The following MYH9 variants were observed in gnomAD, a reference collection of about 807,000 sequenced individuals.
MYH9 encodes the protein myosin-9.
Under a neutral mutation model 241.9 loss-of-function variants are expected in MYH9, and 29 were observed. The observed-to-expected ratio is 0.12, with a 90% CI of 0.09 to 0.16. The LOEUF (loss-of-function observed/expected upper bound fraction) is 0.16. Ranked by LOEUF, MYH9 falls within the 10% of genes least tolerant of loss-of-function variation. The probability of loss-of-function intolerance (pLI) is 1.00; values close to 1 mark genes in which losing one functional copy is unlikely to be tolerated. For missense variants in MYH9, 1,803 were observed against 2,595.5 expected, an observed-to-expected ratio of 0.69 and a Z score of 6.63; for synonymous variants, 1,047 against 1,062.6, an observed-to-expected ratio of 0.99 and a Z score of 0.29.
At chr22:36,380,499 G>T (rs1180206652) in intron 1 of MYH9, among the ~76,000 whole-genome samples, 1 of 152,198 alleles carries the variant, frequency 6.6e-6, no homozygotes, top group Non-Finnish European at 1.5e-5. Flanking sequence ...CCACCACTTC[G>T]GGAGGCCAAG....
chr22:36,301,173 T>G (rs2016871385), intron 21 of MYH9, 116 bp from the exon 22 acceptor site: 1 of 1,052,160 alleles, frequency 9.5e-7, no homozygotes, highest in African/African-American at 1.6e-5. Context: ...CAGACAAAAG[T>G]AGCTTTCATC....
At chr22:36,344,207 A>T (rs1360513860) in intron 2 of MYH9, among the ~76,000 whole-genome samples, 1 of 152,272 alleles carries the variant, frequency 6.6e-6, no homozygotes. Context: ...GACATCGAGC[A>T]AGCGGCTTCG....
intron 1 of MYH9, among the ~76,000 whole-genome samples, chr22:36,352,075 G>A (rs536545537): frequency 1.3e-5 from 2 of 152,314 alleles, no homozygotes; most frequent in Admixed American, 1.3e-4. Flanking sequence ...GGAGTGGGAC[G>A]CTAACCCAGG....
chr22:36,320,864 C>T lies in MYH9; in HGVS notation c.802G>A (p.Ala268Thr). 2 of 1,614,078 alleles carry T rather than the reference C, an allele frequency of 1.2e-6. No homozygotes were observed. Among genetic ancestry groups the T allele is most frequent in the African/African-American group, 2.7e-5 (2 of 75,046 alleles). The change falls in exon 8 of 41, where the codon GCC (alanine) becomes ACC (threonine). Residue 268 changes from alanine (A) to threonine (T), a missense_variant. Physicochemically the swap from Ala to Thr is moderately conservative, Grantham distance 58. Coordinates refer to ENST00000216181, the MANE Select transcript of MYH9 (RefSeq NM_002473.6). This position sits in a 1 kb window ranked among gnomAD's most constrained non-coding sequence, Gnocchi z 4.8. ...LLEKSRAIRQAKEERTFHIFY... is the reference protein window; with the variant it reads ...LLEKSRAIRQTKEERTFHIFY... ...ATGTGGAAGGTCCGTTCTTCCTTGGCTTGGCGGATAGCACGAGATTTCTCC... is the reference window on the plus strand; with the variant it reads ...ATGTGGAAGGTCCGTTCTTCCTTGGTTTGGCGGATAGCACGAGATTTCTCC...
At chr22:36,319,016 C>A (rs775460609) in intron 10 of MYH9, among the ~76,000 whole-genome samples, 2 of 152,156 alleles carry the variant, frequency 1.3e-5, no homozygotes, top group Non-Finnish European at 2.9e-5. Context: ...CCCGCCTCAG[C>A]CTCCCAAACT....
chr22:36,374,610 G>A lies in MYH9; in HGVS notation c.-20+13197C>T, dbSNP rs145904753. 3.3e-4 allele frequency among the ~76,000 whole-genome samples: 51 copies of A among 152,304 alleles called. No individual in the cohort carries two copies. In the East Asian group the frequency reaches 8.7e-3, roughly 26 times the overall value. ...TGAAAAATCTCATCCCAAGTCCTTT[G>A]GCTAGAAAAACATGCTGGCCACACA... On this transcript the variant is annotated intron_variant, in intron 1 of 40. Coordinates refer to ENST00000216181, the MANE Select transcript of MYH9 (RefSeq NM_002473.6).
At chr22:36,309,217 G>T in intron 15 of MYH9, 65 bp downstream of exon 15, 1 of 1,364,556 alleles carries the variant, frequency 7.3e-7, no homozygotes, top group Non-Finnish European at 1.0e-6. Context: ...TCGGCCCACT[G>T]TGGAGGTGGG....
In MYH9 at chr22:36,285,159, C is replaced by G. The variant is rs763821179; in HGVS notation, c.5445G>C (p.Lys1815Asn). 6.2e-7 allele frequency: 1 copy of G among 1,614,112 alleles called. No individual in the cohort carries two copies. Among genetic ancestry groups the G allele is most frequent in the Admixed American group, 1.7e-5 (1 of 60,020 alleles). Residue 1815 changes from lysine (K) to asparagine (N), a missense_variant, in exon 38 of 41, where the codon AAG becomes AAC. Coordinates refer to ENST00000216181, the MANE Select transcript of MYH9 (RefSeq NM_002473.6). The surrounding 1 kb of genome is among the most constrained non-coding windows in gnomAD (Gnocchi z 7.0). ...YKASITALEAKIAQLEEQLDN... is the reference protein window; with the variant it reads ...YKASITALEANIAQLEEQLDN... ...CCAGCTGCTCCTCCAGCTGTGCAAT[C>G]TTGGCCTCGAGGGCGGTGATGGAGG... is the stretch of plus-strand genomic sequence containing the variant.
chr22:36,299,529 G>A (rs915681901), intron 23 of MYH9, among the ~76,000 whole-genome samples: 2 of 152,166 alleles, frequency 1.3e-5, no homozygotes, highest in Non-Finnish European at 1.5e-5. Flanking sequence ...AGCGGCCACA[G>A]CTCGGCACAA....
At chr22:36,358,623 C>T (rs552342479) in intron 1 of MYH9, among the ~76,000 whole-genome samples, 1 of 152,230 alleles carries the variant, frequency 6.6e-6, no homozygotes, top group Admixed American at 6.5e-5. Context: ...GAGACACCAT[C>T]CATCTGGCCA....
chr22:36,367,050 C>CT (rs1030749662), intron 1 of MYH9, among the ~76,000 whole-genome samples: 61 of 152,296 alleles, frequency 4.0e-4, no homozygotes, highest in African/African-American at 1.5e-3. Context: ...CGTTAGGGGG[C>CT]TCGCAGAGAC....
At chr22:36,294,582 T>G (rs997479177) in intron 27 of MYH9, among the ~76,000 whole-genome samples, 2 of 152,212 alleles carry the variant, frequency 1.3e-5, no homozygotes, top group Non-Finnish European at 2.9e-5. Flanking sequence ...GAGGCCAGGT[T>G]CTAGGGCATG....
Position 36,320,765 on chromosome 22 carries a change from G to T in MYH9, c.868+33C>A. On this transcript the variant is annotated intron_variant, in intron 8 of 40. Coordinates refer to ENST00000216181, the MANE Select transcript of MYH9 (RefSeq NM_002473.6). This position sits in a 1 kb window ranked among gnomAD's most constrained non-coding sequence, Gnocchi z 4.8. ...CTGGCAAGAGGCCCAGAGCCCGGCAGCCCCGGTGTCAGGCTGCAGGCCAAC... is the reference window on the plus strand; with the variant it reads ...CTGGCAAGAGGCCCAGAGCCCGGCATCCCCGGTGTCAGGCTGCAGGCCAAC... The T allele has an allele frequency of 6.4e-7, 1 of 1,560,780 alleles. No homozygotes were observed. The highest frequency in any genetic ancestry group is 1.7e-5 in the Admixed American group (1 of 59,776).
At chr22:36,338,948 G>A (rs1224541488) in intron 3 of MYH9, among the ~76,000 whole-genome samples, 1 of 152,214 alleles carries the variant, frequency 6.6e-6, no homozygotes, top group African/African-American at 2.4e-5. Flanking sequence ...ATGTACGAGG[G>A]TGGCCCCTAA....
At chr22:36,290,653 G>C (rs2016676221) in intron 31 of MYH9, among the ~76,000 whole-genome samples, 1 of 150,502 alleles carries the variant, frequency 6.6e-6, no homozygotes, top group Non-Finnish European at 1.5e-5. Flanking sequence ...GCCCAGTCTG[G>C]AAGGTGAGGG....
At chr22:36,353,617 G>C (rs188956264) in intron 1 of MYH9, among the ~76,000 whole-genome samples, 1 of 152,296 alleles carries the variant, frequency 6.6e-6, no homozygotes, top group East Asian at 1.9e-4. Context: ...GACTCCCAGA[G>C]TGCTGGGATT....
rs2017394845 is a variant in MYH9, at chr22:36,329,830, C to G, written c.491-2342G>C. On this transcript the variant is annotated intron_variant, in intron 3 of 40. Coordinates refer to ENST00000216181, the MANE Select transcript of MYH9 (RefSeq NM_002473.6). The surrounding 1 kb of genome is among the most constrained non-coding windows in gnomAD (Gnocchi z 4.1). Reference sequence around the variant, plus strand: ...AGACACGCAAGCATCTGTGCATACACAGTCACATATGGAGGTAGGTGTACA... The same window carrying G: ...AGACACGCAAGCATCTGTGCATACAGAGTCACATATGGAGGTAGGTGTACA... Among the ~76,000 whole-genome samples the G allele has an allele frequency of 6.6e-6, 1 of 152,220 alleles. No homozygotes were observed. The highest frequency in any genetic ancestry group is 1.5e-5 in the Non-Finnish European group (1 of 68,036).
In MYH9 at chr22:36,294,156, T is replaced by C. The variant is rs977273457; in HGVS notation, c.3773A>G (p.Gln1258Arg). ...GCGCTCTCCCTCGTTGAACTTGACC[T>C]GCAGCTCCTGCAGCTGCGCCTCCAC... is the stretch of plus-strand genomic sequence containing the variant. ...KKVEAQLQEL[Q>R]VKFNEGERVR... The change falls in exon 28 of 41, where the codon CAG (glutamine) becomes CGG (arginine). Residue 1258 changes from glutamine to arginine, a missense_variant. Transcript: ENST00000216181. 3 of 1,613,072 alleles carry C rather than the reference T, an allele frequency of 1.9e-6. No homozygotes were observed. The highest frequency in any genetic ancestry group is 4.5e-5 in the East Asian group (2 of 44,896).
chr22:36,345,731 C>T (rs759505804), intron 2 of MYH9, among the ~76,000 whole-genome samples: 22 of 152,252 alleles, frequency 1.4e-4, no homozygotes, highest in Non-Finnish European at 3.1e-4. Flanking sequence ...ACAGATGAGA[C>T]ACAATAGGTC....
Sources: gnomAD v4.1 joint callset for allele counts (sites outside exome capture counted in the v4.1 genomes callset) on GRCh38, gnomAD v4.1.1 for gene constraint, Gnocchi (gnomAD v3.1) non-coding constraint, MANE v1.5 for transcripts, NCBI Gene and HGNC (gene_info 2026-07-23, HGNC 2026-07-21) for gene names.